ARHGAP22: variants seen among roughly 807,000 people sequenced by gnomAD.
ARHGAP22 encodes the protein rho GTPase-activating protein 22.
ARHGAP22 carries 48 observed loss-of-function variants against 59.1 expected under a neutral mutation model. The ratio of observed to expected loss-of-function variants is 0.81; its 90% confidence interval spans 0.64 to 1.03. The LOEUF is 1.03. ARHGAP22 is among the 50% of genes least tolerant of loss of function. The pLI, the probability that ARHGAP22 is intolerant of heterozygous loss-of-function variation, is 0.00. For synonymous variants in ARHGAP22, 445 were observed against 416.4 expected (o/e 1.07, Z -0.84); for missense variants, 1,015 against 958.7 (o/e 1.06, Z -0.78).
intron 2 of ARHGAP22, among the ~76,000 whole-genome samples, chr10:48,563,187 A>ATTTTTTTTCT (rs2057803359): frequency 9.6e-6 from 1 of 104,214 alleles, no homozygotes; most frequent in Non-Finnish European, 1.8e-5. Context: ...ATCCAGGATA[A>ATTTTTTTTCT]TTTTTTTTTT....
chr10:48,618,848 CA>C (rs1046137768), intron 1 of ARHGAP22, among the ~76,000 whole-genome samples: 8 of 152,020 alleles, frequency 5.3e-5, no homozygotes, highest in African/African-American at 1.9e-4. Flanking sequence ...CTAGCCTGAG[CA>C]ATTAGGAATA....
At chr10:48,572,228 T>C (rs767531559) in intron 2 of ARHGAP22, among the ~76,000 whole-genome samples, 1 of 152,212 alleles carries the variant, frequency 6.6e-6, no homozygotes, top group African/African-American at 2.4e-5. Flanking sequence ...ACTTAAAGAA[T>C]AAACAATGTT....
At chr10:48,447,013 C>G (rs1442853795) in intron 9 of ARHGAP22, among the ~76,000 whole-genome samples, 3 of 152,206 alleles carry the variant, frequency 2.0e-5, no homozygotes, top group Admixed American at 6.5e-5. Context: ...GGCCTCCCCT[C>G]CCACAGCTCC....
intron 1 of ARHGAP22, among the ~76,000 whole-genome samples, chr10:48,595,199 T>C (rs2059997076): frequency 2.0e-5 from 3 of 152,130 alleles, no homozygotes; most frequent in Admixed American, 6.5e-5. Context: ...AAAACACAAT[T>C]GATTTATAGA....
intron 4 of ARHGAP22, among the ~76,000 whole-genome samples, chr10:48,461,496 T>C (rs1215373275): frequency 1.3e-5 from 2 of 152,098 alleles, no homozygotes; most frequent in Non-Finnish European, 2.9e-5. Context: ...AGAGAGAGAA[T>C]GATCTAAAAC....
intron 3 of ARHGAP22, among the ~76,000 whole-genome samples, chr10:48,544,082 C>T (rs2056210890): frequency 2.0e-5 from 3 of 151,914 alleles, no homozygotes; most frequent in Admixed American, 6.5e-5. Context: ...AAGATCGTGC[C>T]ACTGCACTCC....
Position 48,471,197 on chromosome 10 carries a change from A to G in ARHGAP22, c.451+8439T>C, listed in dbSNP as rs900434938. On this transcript the variant is annotated intron_variant, in intron 4 of 9. Transcript: ENST00000249601. ...AGAAAAGCCTCCAGAGGCCTGTGAG[A>G]TTCCCACACAGCCAGGCCAGGGCAG... Among the ~76,000 whole-genome samples, 81 of 152,100 alleles carry G rather than the reference A, an allele frequency of 5.3e-4. 2 individuals carry two copies. Among genetic ancestry groups the G allele is most frequent in the Non-Finnish European group, 1.3e-4 (9 of 68,004 alleles).
chr10:48,547,890 C>G (rs1393152368), intron 3 of ARHGAP22, among the ~76,000 whole-genome samples: 1 of 152,202 alleles, frequency 6.6e-6, no homozygotes, highest in Non-Finnish European at 1.5e-5. Flanking sequence ...CATGGACCAT[C>G]TGGAGCAGTG....
intron 3 of ARHGAP22, among the ~76,000 whole-genome samples, chr10:48,483,169 T>G (rs907147835): frequency 2.0e-5 from 3 of 152,194 alleles, no homozygotes; most frequent in African/African-American, 7.2e-5. Flanking sequence ...CTTTATCCAT[T>G]CATCCACTGA....
At chr10:48,547,233 C>A (rs147167298) in intron 3 of ARHGAP22, among the ~76,000 whole-genome samples, 1 of 152,250 alleles carries the variant, frequency 6.6e-6, no homozygotes, top group African/African-American at 2.4e-5. Flanking sequence ...TCTGCATCCG[C>A]GTGTGGTGTG....
At chr10:48,435,609 T>G in the ARHGAP22 span, 2 of 152,228 alleles carry the variant, frequency 1.3e-5, no homozygotes, top group East Asian at 3.9e-4. Flanking sequence ...TTGCCAATCC[T>G]AATTTAGTTA....
Position 48,467,895 on chromosome 10 carries a change from C to T in ARHGAP22, c.452-8004G>A, listed in dbSNP as rs139183345. Among the ~76,000 whole-genome samples, 24 of 152,254 alleles carry T rather than the reference C, an allele frequency of 1.6e-4. 1 individual carries two copies. Among genetic ancestry groups the T allele is most frequent in the African/African-American group, 4.6e-4 (19 of 41,542 alleles). ...GGCTGGGGCCCTTCTTCAAGCTGGA[C>T]GTGCAGAGCTGGGTCACGCCTCTTG... On this transcript the variant is annotated intron_variant, in intron 4 of 9. Coordinates refer to ENST00000249601, the MANE Select transcript of ARHGAP22 (RefSeq NM_021226.4).
the ARHGAP22 span, chr10:48,435,057 GA>G: frequency 1.4e-5 from 6 of 421,622 alleles, no homozygotes; most frequent in Non-Finnish European, 2.3e-5. Flanking sequence ...GGGTGGGAGG[GA>G]TGGGGAGTCG....
chr10:48,625,017 G>A (rs1169134015), intron 1 of ARHGAP22: 4 of 152,204 alleles, frequency 2.6e-5, no homozygotes, highest in African/African-American at 9.7e-5. Flanking sequence ...CTCCATGGAG[G>A]TCTGCAGAGT....
chr10:48,435,059 T>TTGGGTG, the ARHGAP22 span: 1 of 448,006 alleles, frequency 2.2e-6, no homozygotes, highest in African/African-American at 2.2e-5. Flanking sequence ...GTGGGAGGGA[T>TTGGGTG]GGGGAGTCGG....
chr10:48,632,420 C>T (rs767953648), intron 1 of ARHGAP22, among the ~76,000 whole-genome samples: 1 of 151,362 alleles, frequency 6.6e-6, no homozygotes, highest in Non-Finnish European at 1.5e-5. Context: ...ATTTTTTTTT[C>T]AACAGTTGAA....
intron 3 of ARHGAP22, among the ~76,000 whole-genome samples, chr10:48,548,824 GT>G (rs1392412931): frequency 1.3e-5 from 2 of 152,238 alleles, no homozygotes; most frequent in Non-Finnish European, 2.9e-5. Context: ...GGACCTGGGG[GT>G]CCTTGAGTCT....
intron 4 of ARHGAP22, among the ~76,000 whole-genome samples, chr10:48,473,543 G>A (rs201967525): frequency 2.7e-5 from 2 of 74,240 alleles, no homozygotes; most frequent in Admixed American, 1.2e-4. Context: ...CTCAGAGAAC[G>A]CTGAGGACTA....
intron 4 of ARHGAP22, chr10:48,466,606 A>G (rs1867580): frequency 1 from 146,155 of 146,158 alleles, 73,076 homozygotes; most frequent in Non-Finnish European, 1. Context: ...CAAGCGGGCA[A>G]GCGGCAAGGC....
Sources: gnomAD v4.1 joint callset for allele counts (sites outside exome capture counted in the v4.1 genomes callset) on GRCh38, gnomAD v4.1.1 for gene constraint, MANE v1.5 for transcripts, NCBI Gene and HGNC (gene_info 2026-07-23, HGNC 2026-07-21) for gene names.